COL21A1: variants seen among roughly 807,000 people sequenced by gnomAD.
The protein encoded by COL21A1 is collagen alpha-1(XXI) chain.
In COL21A1, 149 loss-of-function variants were observed where a neutral mutation model predicts 137.9. That is an observed-to-expected ratio of 1.08 (90% confidence interval 0.95 to 1.24). The LOEUF (loss-of-function observed/expected upper bound fraction) is 1.24, where lower values mean the gene tolerates loss of function less well. COL21A1 is among the 50% of genes most tolerant of loss of function. The pLI, the probability that COL21A1 is intolerant of heterozygous loss-of-function variation, is 0.00. For missense variants in COL21A1, 1,167 were observed against 1,158.4 expected (o/e 1.01, Z -0.11); for synonymous variants, 456 against 391.5 (o/e 1.16, Z -1.95).
chr6:56,229,937 G>A (rs893302902), intron 1 of COL21A1, among the ~76,000 whole-genome samples: 1 of 151,884 alleles, frequency 6.6e-6, no homozygotes, highest in African/African-American at 2.4e-5. Flanking sequence ...TTTTTAAAAT[G>A]CAAATCACGA....
intron 1 of COL21A1, among the ~76,000 whole-genome samples, chr6:56,225,546 G>A (rs1199647232): frequency 1.3e-5 from 2 of 151,984 alleles, no homozygotes; most frequent in Non-Finnish European, 2.9e-5. Context: ...CCTACAGGTT[G>A]CCACTTGGGC....
intron 1 of COL21A1, among the ~76,000 whole-genome samples, chr6:56,259,395 T>G (rs1380316883): frequency 6.6e-6 from 1 of 152,240 alleles, no homozygotes; most frequent in East Asian, 1.9e-4. Flanking sequence ...ATCATTCTAG[T>G]ACATTCCCAT....
intron 17 of COL21A1, among the ~76,000 whole-genome samples, chr6:56,090,777 T>G (rs1164296878): frequency 6.6e-6 from 1 of 151,746 alleles, no homozygotes; most frequent in Non-Finnish European, 1.5e-5. Flanking sequence ...AATTTTCAAA[T>G]TGTACTATCC....
At chr6:56,196,755 T>C (rs1036813487) in intron 1 of COL21A1, among the ~76,000 whole-genome samples, 6 of 152,132 alleles carry the variant, frequency 3.9e-5, no homozygotes, top group African/African-American at 1.2e-4. Flanking sequence ...TGGAAAGATA[T>C]CCATGTTCAT....
At chr6:56,060,852 A>G (rs748217725) in intron 26 of COL21A1, 39 bp downstream of exon 26, 14 of 1,585,564 alleles carry the variant, frequency 8.8e-6, no homozygotes, top group Admixed American at 5.8e-5. Context: ...GCAAAAATCA[A>G]TGAAAATGTA....
intron 17 of COL21A1, among the ~76,000 whole-genome samples, chr6:56,089,831 T>C (rs188640316): frequency 3.3e-5 from 5 of 152,340 alleles, no homozygotes; most frequent in Admixed American, 6.5e-5. Flanking sequence ...TTTATTCCTC[T>C]TGAAATTTCA....
At chr6:56,077,855 A>C (rs1767383363) in intron 17 of COL21A1, 1 of 391,018 alleles carries the variant, frequency 2.6e-6, no homozygotes, top group Admixed American at 4.1e-5. Context: ...CATGAGTGAT[A>C]AAATTAAAAT....
At chr6:56,089,707 C>T (rs150440870) in intron 17 of COL21A1, among the ~76,000 whole-genome samples, 159 of 152,212 alleles carry the variant, frequency 1.0e-3, no homozygotes, top group African/African-American at 3.7e-3. Context: ...TAATCAGTCC[C>T]CATACCAGTG....
At chr6:56,169,159 A>G (rs950945721) in intron 5 of COL21A1, among the ~76,000 whole-genome samples, 1 of 151,966 alleles carries the variant, frequency 6.6e-6, no homozygotes, top group Middle Eastern at 3.2e-3. Context: ...TTGCATTGTC[A>G]CTACCATAAT....
intron 17 of COL21A1, among the ~76,000 whole-genome samples, chr6:56,081,621 A>G (rs944724735): frequency 6.6e-6 from 1 of 151,894 alleles, no homozygotes; most frequent in Non-Finnish European, 1.5e-5. Context: ...AGGTAACTAT[A>G]GGGAGAAGTA....
intron 1 of COL21A1, among the ~76,000 whole-genome samples, chr6:56,320,876 A>G (rs997095268): frequency 4.6e-5 from 7 of 152,090 alleles, no homozygotes; most frequent in Non-Finnish European, 7.4e-5. Context: ...GATTTTTTTT[A>G]TGACCAATAT....
intron 1 of COL21A1, among the ~76,000 whole-genome samples, chr6:56,322,884 C>CTAAAAAA (rs1764904889): frequency 7.7e-6 from 1 of 129,802 alleles, no homozygotes. Flanking sequence ...CCTCTGCTAT[C>CTAAAAAA]AAAAAAAAAA....
intron 1 of COL21A1, among the ~76,000 whole-genome samples, chr6:56,298,903 G>C (rs1050022622): frequency 3.9e-5 from 6 of 152,050 alleles, no homozygotes; most frequent in African/African-American, 1.2e-4. Flanking sequence ...AGCTTAAGGG[G>C]ACCTTAAAAG....
chr6:56,379,680 A>G (rs535665274), intron 1 of COL21A1, among the ~76,000 whole-genome samples: 1 of 152,316 alleles, frequency 6.6e-6, no homozygotes, highest in South Asian at 2.1e-4. Context: ...GGTATCCCCA[A>G]GTACCAGACG....
At chr6:56,091,780 G>T (rs1768842400) in intron 17 of COL21A1, 1 of 152,160 alleles carries the variant, frequency 6.6e-6, no homozygotes, top group African/African-American at 2.4e-5. Flanking sequence ...AGATAATTTG[G>T]TTGGCAAGAA....
chr6:56,370,233 G>T (rs913541518), intron 1 of COL21A1, among the ~76,000 whole-genome samples: 1 of 152,184 alleles, frequency 6.6e-6, no homozygotes, highest in Non-Finnish European at 1.5e-5. Context: ...AGGACACTAG[G>T]CTCCTGGATT....
intron 20 of COL21A1, among the ~76,000 whole-genome samples, chr6:56,073,728 T>G (rs982830767): frequency 6.6e-6 from 1 of 151,460 alleles, no homozygotes; most frequent in South Asian, 2.1e-4. Flanking sequence ...TAACCTCATA[T>G]CCTAAATATA....
chr6:56,385,219 A>G (rs182320770), intron 1 of COL21A1, among the ~76,000 whole-genome samples: 10 of 152,212 alleles, frequency 6.6e-5, no homozygotes, highest in Middle Eastern at 3.2e-3. Flanking sequence ...GTGGGAGGTG[A>G]TGTCATATGC....
intron 1 of COL21A1, among the ~76,000 whole-genome samples, chr6:56,301,695 T>C (rs1032473296): frequency 2.8e-5 from 4 of 142,944 alleles, no homozygotes; most frequent in South Asian, 2.2e-4. Flanking sequence ...GTGGCTATTT[T>C]AATTTTAACT....
Sources: allele counts gnomAD v4.1 joint callset (sites outside exome capture counted in the v4.1 genomes callset), GRCh38; gene constraint gnomAD v4.1.1; transcripts MANE v1.5; gene names NCBI Gene and HGNC (gene_info 2026-07-23, HGNC 2026-07-21).